PATJ: variants seen among roughly 807,000 people sequenced by gnomAD.
PATJ encodes PATJ crumbs cell polarity complex component.
In PATJ, 190 loss-of-function variants were observed where a neutral mutation model predicts 224.9. The ratio of observed to expected loss-of-function variants is 0.84; its 90% confidence interval spans 0.75 to 0.95. PATJ has a LOEUF of 0.95. Among genes scored for constraint, PATJ ranks in the 40% least tolerant of loss-of-function variants. PATJ has a pLI of 0.00. For missense variants in PATJ, 2,121 were observed against 2,270.3 expected (o/e 0.93, Z 1.34); for synonymous variants, 769 against 820.3 (o/e 0.94, Z 1.07).
chr1:61,801,361 C>T (rs1652455901), intron 11 of PATJ, among the ~76,000 whole-genome samples: 1 of 152,120 alleles, frequency 6.6e-6, no homozygotes, highest in African/African-American at 2.4e-5. Flanking sequence ...TGTGTCTTCC[C>T]ATTGTTTAGT....
chr1:61,997,067 G>A (rs35393759), intron 28 of PATJ, among the ~76,000 whole-genome samples: 32,375 of 151,950 alleles, frequency 0.21, 3,641 homozygotes, highest in African/African-American at 0.26. Flanking sequence ...ATAGCTAAAA[G>A]TGTAAAAATA....
rs922263060 is a variant in PATJ at position 61,933,401 on chromosome 1, G to A, written c.3670+5572G>A. Among the ~76,000 whole-genome samples the A allele has an allele frequency of 3.9e-5, 6 of 152,012 alleles. No homozygotes were observed. In the South Asian group the frequency reaches 8.3e-4, roughly 21 times the overall value. ...TAAAAATACAAAAAATTAGCTGGGC[G>A]TAGTGGCGGGCTCCTTGTAATCCTA... is the stretch of plus-strand genomic sequence containing the variant. On this transcript the variant is annotated intron_variant, in intron 27 of 43. Coordinates refer to ENST00000642238, the MANE Select transcript of PATJ (RefSeq NM_001350145.3).
chr1:61,812,383 A>AATGT (rs1570647962), intron 14 of PATJ, among the ~76,000 whole-genome samples: 2 of 40,226 alleles, frequency 5.0e-5, no homozygotes, highest in Non-Finnish European at 1.1e-4. Flanking sequence ...AGAGAGAGAG[A>AATGT]GAGAGAGAGA....
intron 7 of PATJ, among the ~76,000 whole-genome samples, chr1:61,784,585 G>A (rs930527611): frequency 6.6e-6 from 1 of 152,206 alleles, no homozygotes; most frequent in Non-Finnish European, 1.5e-5. Context: ...CCTAGGAAGT[G>A]ACTAAAAATA....
chr1:61,999,270 C>T (rs1645601588), intron 28 of PATJ, among the ~76,000 whole-genome samples: 1 of 152,178 alleles, frequency 6.6e-6, no homozygotes, highest in Admixed American at 6.5e-5. Flanking sequence ...TTCCCAACTT[C>T]CTTCCTGTCC....
intron 31 of PATJ, among the ~76,000 whole-genome samples, chr1:62,057,150 G>A (rs1654686670): frequency 6.6e-6 from 1 of 152,184 alleles, no homozygotes; most frequent in South Asian, 2.1e-4. Flanking sequence ...TCTAATCAAA[G>A]CTAAGAACTA....
chr1:61,911,212 T>TTTTG (rs911641133), intron 25 of PATJ, among the ~76,000 whole-genome samples: 6 of 152,048 alleles, frequency 3.9e-5, no homozygotes, highest in East Asian at 1.9e-4. Context: ...TGTTGTTGTT[T>TTTTG]TTTGTTTGTT....
chr1:61,788,096 G>A (rs200687511), intron 8 of PATJ, 124 bp downstream of exon 8: 59 of 471,910 alleles, frequency 1.3e-4, no homozygotes, highest in Middle Eastern at 5.9e-4. Flanking sequence ...AGTGAAACAG[G>A]AAAAAAAAAA....
chr1:62,134,673 T>C (rs1666639242), intron 41 of PATJ, among the ~76,000 whole-genome samples: 1 of 152,110 alleles, frequency 6.6e-6, no homozygotes, highest in African/African-American at 2.4e-5. Context: ...TGGAAAATCC[T>C]TTGTTTAGAA....
chr1:61,769,566 G>A (rs1206750681), intron 5 of PATJ, 144 bp downstream of exon 5: 2 of 850,780 alleles, frequency 2.4e-6, no homozygotes, highest in African/African-American at 3.4e-5. Flanking sequence ...CATTTGTCAG[G>A]CCTTTTGCGA....
chr1:61,935,619 C>T (rs74518422), intron 27 of PATJ, among the ~76,000 whole-genome samples: 7,261 of 151,928 alleles, frequency 0.048, 585 homozygotes, highest in African/African-American at 0.17. Flanking sequence ...ATAATAAGAC[C>T]CTGTCTACAA....
intron 39 of PATJ, among the ~76,000 whole-genome samples, chr1:62,126,488 G>A (rs368013340): frequency 6.6e-6 from 1 of 152,188 alleles, no homozygotes; most frequent in Non-Finnish European, 1.5e-5. Context: ...TGCCTGTGCT[G>A]CCATGCCAGA....
At chr1:61,813,903 A>G (rs562888225) in intron 14 of PATJ, among the ~76,000 whole-genome samples, 3 of 152,284 alleles carry the variant, frequency 2.0e-5, no homozygotes, top group South Asian at 4.1e-4. Flanking sequence ...CTTAATTAAT[A>G]TAGCTTAGTG....
intron 28 of PATJ, among the ~76,000 whole-genome samples, chr1:62,013,963 A>G (rs747798111): frequency 2.6e-5 from 4 of 152,180 alleles, no homozygotes; most frequent in African/African-American, 4.8e-5. Context: ...TAGTAGAGAC[A>G]GGGTTTCGCC....
Position 62,027,628 on chromosome 1 carries a change from CTTTTTTTT to C in PATJ, c.3959+9697_3959+9704del, listed in dbSNP as rs57019359. 4.8e-4 allele frequency among the ~76,000 whole-genome samples: 53 copies of C among 109,838 alleles called. No homozygotes were observed. In the East Asian group the frequency reaches 6.0e-3, roughly 12 times the overall value. 72.1% of individuals were successfully genotyped at this position (109,838 alleles called of 152,430 possible). A position where few individuals can be genotyped will look rare whatever the true frequency, so the allele number is the denominator to read the frequency against. On this transcript the variant is annotated intron_variant, in intron 29 of 43. Coordinates refer to ENST00000642238, the MANE Select transcript of PATJ (RefSeq NM_001350145.3). ...TTTCTTCATAACCTTGCCAACATTC[CTTTTTTTT>C]TTTTTTTTTTTTTTTGGATAGTATC...
intron 14 of PATJ, among the ~76,000 whole-genome samples, chr1:61,820,923 A>C (rs1216751240): frequency 2.0e-5 from 3 of 152,206 alleles, no homozygotes; most frequent in African/African-American, 7.2e-5. Context: ...ATGTCCTGCT[A>C]CATGACACTA....
intron 27 of PATJ, among the ~76,000 whole-genome samples, chr1:61,953,785 T>A (rs971328457): frequency 6.6e-6 from 1 of 152,244 alleles, no homozygotes; most frequent in African/African-American, 2.4e-5. Context: ...TTCTTGATTT[T>A]AAAAATCTAT....
At chr1:61,813,627 T>C (rs1052645065) in intron 14 of PATJ, among the ~76,000 whole-genome samples, 10 of 151,922 alleles carry the variant, frequency 6.6e-5, no homozygotes, top group Non-Finnish European at 1.2e-4. Context: ...ATAGAACTTA[T>C]ATTTTAATGG....
In PATJ at chr1:61,905,824, T is replaced by C. The variant is rs78963311; in HGVS notation, c.3382-2548T>C. 1.1e-4 allele frequency among the ~76,000 whole-genome samples: 16 copies of C among 152,264 alleles called. No homozygotes were observed. In the East Asian group the frequency reaches 3.1e-3, roughly 29 times the overall value. On this transcript the variant is annotated intron_variant, in intron 24 of 43. Coordinates refer to ENST00000642238, the MANE Select transcript of PATJ (RefSeq NM_001350145.3). The stretch of plus-strand genomic sequence containing the variant: ...TGTGTGGGGGTTTACCCCCATACAC[T>C]AAGCAGTTCTCCAGTCGACACCGAC...
Sources: allele counts gnomAD v4.1 joint callset (sites outside exome capture counted in the v4.1 genomes callset), GRCh38; gene constraint gnomAD v4.1.1; transcripts MANE v1.5; gene names NCBI Gene and HGNC (gene_info 2026-07-23, HGNC 2026-07-21).